The following WDFY3 variants were observed in gnomAD, a reference collection of about 807,000 sequenced individuals.
WDFY3 encodes the protein WD repeat and FYVE domain-containing protein 3.
A neutral mutation model predicts 409.6 loss-of-function variants in WDFY3; 66 were observed. The ratio of observed to expected loss-of-function variants is 0.16; its 90% CI spans 0.13 to 0.20. The LOEUF (loss-of-function observed/expected upper bound fraction) is 0.20, where lower values mean the gene tolerates loss of function less well. WDFY3 is among the 10% of genes least tolerant of loss of function. The probability of loss-of-function intolerance (pLI) is 1.00; values close to 1 mark genes in which losing one functional copy is unlikely to be tolerated. For missense variants in WDFY3, 3,031 were observed against 4,298.1 expected (o/e 0.71, Z 8.24); for synonymous variants, 1,521 against 1,537.1 (o/e 0.99, Z 0.25).
intron 3 of WDFY3, among the ~76,000 whole-genome samples, chr4:84,862,597 G>GTTC (rs1760793741): frequency 6.6e-6 from 1 of 152,176 alleles, no homozygotes; most frequent in Non-Finnish European, 1.5e-5. Context: ...ATTATGTATA[G>GTTC]TTCTGCTCCT....
chr4:84,829,245 A>C, intron 8 of WDFY3, 55 bp from the exon 9 acceptor site: 1 of 1,403,216 alleles, frequency 7.1e-7, no homozygotes, highest in South Asian at 1.6e-5. Context: ...TCGCTTAAAA[A>C]TTTTTTAATT....
chr4:84,882,139 C>T (rs147923212), intron 3 of WDFY3, among the ~76,000 whole-genome samples: 1 of 152,250 alleles, frequency 6.6e-6, no homozygotes, highest in African/African-American at 2.4e-5. Flanking sequence ...CCCAAATTCA[C>T]ATATAATCCT....
chr4:84,845,289 G>A (rs1210472161), intron 5 of WDFY3, among the ~76,000 whole-genome samples: 1 of 152,190 alleles, frequency 6.6e-6, no homozygotes, highest in Non-Finnish European at 1.5e-5. Flanking sequence ...TAGAAAAAGT[G>A]TGTGAATGTA....
rs1283964808 is a variant in WDFY3, at chr4:84,716,786, G to C, written c.7875+110C>G. ...TGCACTCCAGCCTGGGCGACAGAGT[G>C]AGACTCTGTCTCAAAAAATAAAAAT... On this transcript the variant is annotated intron_variant, in intron 49 of 67. Coordinates refer to ENST00000295888, the MANE Select transcript of WDFY3 (RefSeq NM_014991.6). The C allele has an allele frequency of 7.7e-6, 7 of 910,264 alleles. No individual in the cohort carries two copies. The South Asian group carries it at 2.2e-4, about 29-fold the overall frequency. 56.4% of individuals were successfully genotyped at this position (910,264 alleles called of 1,614,324 possible).
At chr4:84,690,395 G>T in intron 61 of WDFY3, 111 bp downstream of exon 61, 1 of 1,464,032 alleles carries the variant, frequency 6.8e-7, no homozygotes, top group Non-Finnish European at 9.3e-7. Flanking sequence ...CTTTGGTTTT[G>T]TCCATTAGAT....
At chr4:84,908,892 G>A (rs1489459878) in intron 2 of WDFY3, among the ~76,000 whole-genome samples, 1 of 151,984 alleles carries the variant, frequency 6.6e-6, no homozygotes, top group African/African-American at 2.4e-5. Flanking sequence ...GCTCTTTGAG[G>A]GCAGAAATCA....
intron 56 of WDFY3, 120 bp downstream of exon 56, chr4:84,702,232 GA>G: frequency 8.8e-7 from 1 of 1,134,200 alleles, no homozygotes; most frequent in Non-Finnish European, 1.2e-6. Context: ...ATGACTGCAA[GA>G]AACTGTATCA....
Position 84,755,251 on chromosome 4 carries a change from T to C in WDFY3, c.5559+15A>G. ...GAGGAATTCTCAATAGGCCTGGGCA[T>C]TTGAGTGAACTTACTGAAGTCAGCA... On this transcript the variant is annotated intron_variant, in intron 34 of 67. Coordinates refer to ENST00000295888, the MANE Select transcript of WDFY3 (RefSeq NM_014991.6). 1 of 1,609,810 alleles carries C rather than the reference T, an allele frequency of 6.2e-7. No homozygotes were observed. The highest frequency in any genetic ancestry group is 8.5e-7 in the Non-Finnish European group (1 of 1,178,910).
chr4:84,925,119 T>A (rs577341825), intron 2 of WDFY3, among the ~76,000 whole-genome samples: 2 of 152,168 alleles, frequency 1.3e-5, no homozygotes, highest in Non-Finnish European at 2.9e-5. Flanking sequence ...GGACTGTGAT[T>A]TCCAAGTCTC....
intron 12 of WDFY3, among the ~76,000 whole-genome samples, chr4:84,818,702 T>A (rs1024123295): frequency 2.0e-5 from 3 of 152,116 alleles, no homozygotes; most frequent in Non-Finnish European, 1.5e-5. Context: ...TAGATAATCA[T>A]AATGGCTAAT....
intron 5 of WDFY3, among the ~76,000 whole-genome samples, chr4:84,844,032 C>T (rs1251541999): frequency 1.3e-5 from 2 of 152,108 alleles, no homozygotes; most frequent in Non-Finnish European, 2.9e-5. Context: ...CATTTCAATA[C>T]ATATAGTTAG....
rs139859485 is a variant in WDFY3, at chr4:84,783,202, C to T, written c.4063-128G>A. 996 of 868,436 alleles carry T rather than the reference C, an allele frequency of 1.1e-3. 8 individuals are homozygous for T. The African/African-American group carries it at 0.015, about 13-fold the overall frequency. 53.8% of individuals were successfully genotyped at this position (868,436 alleles called of 1,614,324 possible). ...CCTCCCTTATCAGAATACTGAAAAA[C>T]GAGCATTTAGGTCCAGCCTGGTGGC... is the stretch of plus-strand genomic sequence containing the variant. On this transcript the variant is annotated intron_variant, in intron 24 of 67. Transcript: ENST00000295888.
chr4:84,760,907 A>G (rs1233380178), intron 32 of WDFY3, among the ~76,000 whole-genome samples: 2 of 143,044 alleles, frequency 1.4e-5, no homozygotes, highest in East Asian at 2.0e-4. Context: ...TAGGGTGTCA[A>G]TTTTGGATCT....
intron 46 of WDFY3, 45 bp from the exon 47 acceptor site, chr4:84,721,617 T>C: frequency 1.3e-6 from 2 of 1,591,202 alleles, no homozygotes; most frequent in Non-Finnish European, 1.7e-6. Flanking sequence ...TGTAAGGACC[T>C]TGTGGGGAAG....
At chr4:84,721,640 A>C (rs1396764887) in intron 46 of WDFY3, 68 bp from the exon 47 acceptor site, 26 of 1,556,134 alleles carry the variant, frequency 1.7e-5, no homozygotes, top group East Asian at 9.0e-5. Flanking sequence ...GTTTAGTCTC[A>C]TGTAGTTCCT....
intron 2 of WDFY3, among the ~76,000 whole-genome samples, chr4:84,930,881 C>T (rs1770684486): frequency 6.6e-6 from 1 of 152,120 alleles, no homozygotes; most frequent in East Asian, 1.9e-4. Flanking sequence ...CCCCTTTATC[C>T]ATGATTTCAC....
At chr4:84,884,081 TTTTC>T (rs891530571) in intron 3 of WDFY3, among the ~76,000 whole-genome samples, 1 of 152,112 alleles carries the variant, frequency 6.6e-6, no homozygotes, top group Admixed American at 6.5e-5. Context: ...ACTTTTTAGT[TTTTC>T]TTTCTTTGTG....
At chr4:84,840,418 C>T (rs1490694504) in intron 6 of WDFY3, among the ~76,000 whole-genome samples, 1 of 152,038 alleles carries the variant, frequency 6.6e-6, no homozygotes, top group Non-Finnish European at 1.5e-5. Flanking sequence ...AGCTGAGTAA[C>T]CTTAGATAAA....
At chr4:84,736,586 G>A (rs1263567120) in intron 41 of WDFY3, among the ~76,000 whole-genome samples, 1 of 152,034 alleles carries the variant, frequency 6.6e-6, no homozygotes, top group Non-Finnish European at 1.5e-5. Flanking sequence ...TAACTATAAC[G>A]AGTTTCTATA....
Sources: gnomAD v4.1 joint callset for allele counts (sites outside exome capture counted in the v4.1 genomes callset) on GRCh38, gnomAD v4.1.1 for gene constraint, MANE v1.5 for transcripts, NCBI Gene and HGNC (gene_info 2026-07-23, HGNC 2026-07-21) for gene names.